MAPK10: variants seen among roughly 807,000 people sequenced by gnomAD.
The protein encoded by MAPK10 is mitogen-activated protein kinase 10.
Under a neutral mutation model 59.3 loss-of-function variants are expected in MAPK10, and 25 were observed. That is an observed-to-expected ratio of 0.42 (90% CI 0.31 to 0.59). MAPK10 has a LOEUF of 0.59. Ranked by LOEUF, MAPK10 falls within the 20% of genes least tolerant of loss-of-function variation. The pLI is 0.15. For synonymous variants in MAPK10, 190 were observed against 200.5 expected (o/e 0.95, Z 0.44); for missense variants, 351 against 568.9 (o/e 0.62, Z 3.90).
chr4:86,169,100 C>A (rs1284833876), intron 3 of MAPK10, among the ~76,000 whole-genome samples: 1 of 151,994 alleles, frequency 6.6e-6, no homozygotes, highest in African/African-American at 2.4e-5. Context: ...TAGATAAAAC[C>A]ACAAAGATGG....
At chr4:86,247,765 T>C (rs2093190790) in intron 2 of MAPK10, among the ~76,000 whole-genome samples, 1 of 152,142 alleles carries the variant, frequency 6.6e-6, no homozygotes, top group Non-Finnish European at 1.5e-5. Flanking sequence ...ATTTGGGTCT[T>C]GAAAGATGAC....
chr4:86,511,296 C>A (rs1756215156), intron 1 of MAPK10, among the ~76,000 whole-genome samples: 1 of 151,468 alleles, frequency 6.6e-6, no homozygotes, highest in African/African-American at 2.4e-5. Flanking sequence ...CCAGCCTGGG[C>A]AATGTAAGGA....
At chr4:86,247,466 T>C (rs2093168955) in intron 2 of MAPK10, among the ~76,000 whole-genome samples, 1 of 152,212 alleles carries the variant, frequency 6.6e-6, no homozygotes, top group South Asian at 2.1e-4. Flanking sequence ...GATTCATTAA[T>C]TGGACAAAGA....
intron 1 of MAPK10, among the ~76,000 whole-genome samples, chr4:86,395,042 A>G (rs1425360379): frequency 6.8e-6 from 1 of 147,054 alleles, no homozygotes; most frequent in African/African-American, 2.5e-5. Flanking sequence ...AAACAGCTCC[A>G]TGTACACTCA....
upstream of MAPK10, among the ~76,000 whole-genome samples, chr4:86,454,964 C>T (rs747336230): frequency 6.6e-6 from 1 of 152,104 alleles, no homozygotes. Context: ...AGAAGGGATT[C>T]GGACCCTATC....
At chr4:86,443,517 G>A (rs745610719) in intron 1 of MAPK10, among the ~76,000 whole-genome samples, 12 of 150,862 alleles carry the variant, frequency 8.0e-5, no homozygotes, top group South Asian at 2.1e-4. Flanking sequence ...AAGGAGAACC[G>A]AGAAGCACTT....
intron 1 of MAPK10, among the ~76,000 whole-genome samples, chr4:86,436,477 G>T (rs1264931507): frequency 2.0e-5 from 3 of 152,132 alleles, no homozygotes; most frequent in Admixed American, 6.5e-5. Flanking sequence ...CATGGCAATC[G>T]ATGGTCATTT....
chr4:86,468,562 A>G (rs1752401724), intron 1 of MAPK10, among the ~76,000 whole-genome samples: 1 of 152,204 alleles, frequency 6.6e-6, no homozygotes, highest in Admixed American at 6.5e-5. Context: ...AAGTGTGAAA[A>G]TAACAAAGCA....
intron 2 of MAPK10, among the ~76,000 whole-genome samples, chr4:86,212,024 G>A (rs1044771151): frequency 9.2e-5 from 14 of 152,008 alleles, no homozygotes; most frequent in Non-Finnish European, 1.8e-4. Flanking sequence ...ACAGTAATGC[G>A]GGAAATGAGG....
At chr4:86,165,743 G>A (rs2071480672) in intron 3 of MAPK10, among the ~76,000 whole-genome samples, 1 of 151,520 alleles carries the variant, frequency 6.6e-6, no homozygotes, top group South Asian at 2.1e-4. Context: ...ACAATACTTA[G>A]TGATATTTAG....
chr4:86,546,840 A>G (rs1759221566), intron 1 of MAPK10, among the ~76,000 whole-genome samples: 1 of 152,140 alleles, frequency 6.6e-6, no homozygotes, highest in African/African-American at 2.4e-5. Context: ...GTGGATCACG[A>G]GGTCAGGAGA....
Position 86,168,635 on chromosome 4 carries a change from G to A in MAPK10, c.67-9168C>T, listed in dbSNP as rs567563396. Among the ~76,000 whole-genome samples the A allele has an allele frequency of 1.9e-3, 296 of 152,282 alleles. 2 individuals are homozygous for A. Among genetic ancestry groups the A allele is most frequent in the African/African-American group, 6.5e-3 (271 of 41,560 alleles). On this transcript the variant is annotated intron_variant, in intron 3 of 13. Coordinates refer to ENST00000641462, the MANE Select transcript of MAPK10 (RefSeq NM_138982.4). ...TGTAGGCTCCACCTCTGGGGGCAGG[G>A]CACAGACAAACAAAAAGACAGCAGT...
chr4:86,591,514 C>T (rs1049997426), intron 1 of MAPK10, among the ~76,000 whole-genome samples: 12 of 152,092 alleles, frequency 7.9e-5, no homozygotes, highest in Non-Finnish European at 1.3e-4. Flanking sequence ...CCTGGGACTA[C>T]AGGTGCATCC....
intron 1 of MAPK10, among the ~76,000 whole-genome samples, chr4:86,566,474 G>A (rs1761065483): frequency 6.6e-6 from 1 of 152,170 alleles, no homozygotes; most frequent in South Asian, 2.1e-4. Context: ...AGCACTTTGG[G>A]AGGCCGAGGC....
chr4:86,170,830 C>T (rs1269855627), intron 3 of MAPK10, among the ~76,000 whole-genome samples: 1 of 150,178 alleles, frequency 6.7e-6, no homozygotes, highest in Admixed American at 6.6e-5. Flanking sequence ...GGAAGTAAAG[C>T]TCTCCTCAGC....
chr4:86,320,255 C>T (rs1448724974), intron 2 of MAPK10, among the ~76,000 whole-genome samples: 1 of 152,138 alleles, frequency 6.6e-6, no homozygotes, highest in African/African-American at 2.4e-5. Context: ...ATCTCCCAAT[C>T]TATAGTTCAG....
intron 1 of MAPK10, among the ~76,000 whole-genome samples, chr4:86,390,111 G>C (rs866696113): frequency 1.2e-4 from 19 of 152,240 alleles, no homozygotes; most frequent in African/African-American, 4.3e-4. Context: ...GCCATGCTGA[G>C]TATTTAAATA....
intron 2 of MAPK10, among the ~76,000 whole-genome samples, chr4:86,277,667 A>AG (rs1258114105): frequency 1.3e-5 from 2 of 152,282 alleles, no homozygotes; most frequent in South Asian, 2.1e-4. Context: ...AAGATGCTTA[A>AG]TAACCAGTGT....
At chr4:86,158,868 T>A (rs1018155031) in intron 4 of MAPK10, among the ~76,000 whole-genome samples, 2 of 151,982 alleles carry the variant, frequency 1.3e-5, no homozygotes, top group Non-Finnish European at 2.9e-5. Flanking sequence ...TTTCAAACAC[T>A]GAATTTGAAA....
Sources: gnomAD v4.1 joint callset for allele counts (sites outside exome capture counted in the v4.1 genomes callset) on GRCh38, gnomAD v4.1.1 for gene constraint, MANE v1.5 for transcripts, NCBI Gene and HGNC (gene_info 2026-07-23, HGNC 2026-07-21) for gene names.